The following CADM1 variants were observed in gnomAD, a reference collection of about 807,000 sequenced individuals.
CADM1 encodes the protein TSLC-1.
A neutral mutation model predicts 53.1 loss-of-function variants in CADM1; 15 were observed. That is an observed-to-expected ratio of 0.28 (90% CI 0.19 to 0.44). CADM1 has a LOEUF of 0.44. CADM1 is among the 20% of genes least tolerant of loss of function. CADM1 has a pLI of 1.00. For synonymous variants in CADM1, 281 were observed against 243.0 expected, an observed-to-expected ratio of 1.16 and a Z score of -1.45; for missense variants, 434 against 611.3, an observed-to-expected ratio of 0.71 and a Z score of 3.06.
intron 1 of CADM1, among the ~76,000 whole-genome samples, chr11:115,351,014 T>G (rs937789379): frequency 1.3e-5 from 2 of 152,096 alleles, no homozygotes; most frequent in Non-Finnish European, 2.9e-5. Flanking sequence ...AACATTCCTT[T>G]TGTTTAGAAA....
At chr11:115,334,808 G>T (rs1407610819) in intron 1 of CADM1, among the ~76,000 whole-genome samples, 1 of 152,108 alleles carries the variant, frequency 6.6e-6, no homozygotes, top group Non-Finnish European at 1.5e-5. Flanking sequence ...GGGGCTCAGT[G>T]TAATAGGAAA....
chr11:115,350,112 G>C (rs990049842), intron 1 of CADM1, among the ~76,000 whole-genome samples: 2 of 152,018 alleles, frequency 1.3e-5, no homozygotes, highest in Non-Finnish European at 2.9e-5. Flanking sequence ...GCTGGGATTA[G>C]AGGCATGTGC....
At chr11:115,397,652 G>A (rs965858358) in intron 1 of CADM1, 7 of 152,064 alleles carry the variant, frequency 4.6e-5, no homozygotes, top group African/African-American at 1.2e-4. Context: ...AGTCAAACTT[G>A]AACCAACACA....
At chr11:115,313,826 C>A (rs1659368718) in intron 1 of CADM1, among the ~76,000 whole-genome samples, 1 of 152,042 alleles carries the variant, frequency 6.6e-6, no homozygotes, top group South Asian at 2.1e-4. Flanking sequence ...AGAGTGCCTC[C>A]AGAGTGACAT....
At chr11:115,437,063 G>T (rs1331562541) in intron 1 of CADM1, among the ~76,000 whole-genome samples, 1 of 152,124 alleles carries the variant, frequency 6.6e-6, no homozygotes, top group Non-Finnish European at 1.5e-5. Context: ...AATCTGAGCA[G>T]CATCAAGAAT....
Position 115,469,146 on chromosome 11 carries a change from A to G in CADM1, c.124+35125T>C, listed in dbSNP as rs1409251915. 2.0e-5 allele frequency among the ~76,000 whole-genome samples: 3 copies of G among 152,200 alleles called. No individual in the cohort carries two copies. The East Asian group carries it at 5.8e-4, about 29-fold the overall frequency. On this transcript the variant is annotated intron_variant, in intron 1 of 11. Transcript: ENST00000331581. ...CTAAGATGCAAAATATACATTCTGC[A>G]CTATTGAACTCTTATAGAAGCTCTG... is the stretch of plus-strand genomic sequence containing the variant.
At chr11:115,276,345 A>G (rs1943443240) in intron 1 of CADM1, among the ~76,000 whole-genome samples, 2 of 152,166 alleles carry the variant, frequency 1.3e-5, no homozygotes, top group Non-Finnish European at 2.9e-5. Flanking sequence ...CAGGATTAGG[A>G]GGGGGAAAGT....
At chr11:115,221,618 G>C (rs1941408890) in intron 5 of CADM1, among the ~76,000 whole-genome samples, 1 of 152,142 alleles carries the variant, frequency 6.6e-6, no homozygotes, top group African/African-American at 2.4e-5. Flanking sequence ...CACATTCTGT[G>C]ATCTTTTCAG....
At chr11:115,190,685 A>T (rs1939804570) in intron 10 of CADM1, 2 of 562,360 alleles carry the variant, frequency 3.6e-6, no homozygotes, top group Non-Finnish European at 6.3e-6. Flanking sequence ...AATTGTCCCC[A>T]TTCCGAAATA....
chr11:115,407,630 A>G (rs1370894252), intron 1 of CADM1, among the ~76,000 whole-genome samples: 3 of 152,090 alleles, frequency 2.0e-5, no homozygotes, highest in Admixed American at 1.3e-4. Context: ...ACGGTGGCTC[A>G]TGCCTGTAAT....
chr11:115,249,503 T>C (rs1231699430), intron 1 of CADM1, among the ~76,000 whole-genome samples: 3 of 152,236 alleles, frequency 2.0e-5, no homozygotes, highest in Non-Finnish European at 4.4e-5. Flanking sequence ...TTTAATTCAA[T>C]ATAGAACTAT....
At chr11:115,188,374 C>G (rs1418035052) in intron 10 of CADM1, among the ~76,000 whole-genome samples, 1 of 152,160 alleles carries the variant, frequency 6.6e-6, no homozygotes, top group East Asian at 1.9e-4. Flanking sequence ...AATTAAATCA[C>G]TGAACTACAT....
intron 1 of CADM1, among the ~76,000 whole-genome samples, chr11:115,364,191 T>C (rs1190287463): frequency 6.6e-6 from 1 of 152,208 alleles, no homozygotes; most frequent in African/African-American, 2.4e-5. Context: ...TCATTCTTAT[T>C]CTGTCTGGCA....
intron 1 of CADM1, among the ~76,000 whole-genome samples, chr11:115,367,574 CCAGT>C (rs1591752407): frequency 6.6e-6 from 1 of 151,978 alleles, no homozygotes; most frequent in African/African-American, 2.4e-5. Flanking sequence ...ATCCCACTGC[CCAGT>C]CAACCACTGT....
intron 1 of CADM1, among the ~76,000 whole-genome samples, chr11:115,300,079 CT>C (rs559726662): frequency 1.3e-5 from 2 of 152,160 alleles, no homozygotes; most frequent in African/African-American, 4.8e-5. Flanking sequence ...ATGCAACAGA[CT>C]TTTTTTGGTT....
At chr11:115,243,457 G>A (rs1228641253) in intron 1 of CADM1, among the ~76,000 whole-genome samples, 2 of 152,102 alleles carry the variant, frequency 1.3e-5, no homozygotes, top group East Asian at 3.9e-4. Flanking sequence ...AAATTATATG[G>A]GTCAGCTGGA....
intron 5 of CADM1, among the ~76,000 whole-genome samples, chr11:115,227,519 A>G (rs1435387435): frequency 2.6e-5 from 4 of 152,202 alleles, no homozygotes; most frequent in Non-Finnish European, 5.9e-5. Flanking sequence ...GGGCCCCTAC[A>G]AGGAAAGTTA....
intron 3 of CADM1, among the ~76,000 whole-genome samples, chr11:115,232,304 T>C (rs1339493363): frequency 2.6e-5 from 4 of 152,164 alleles, no homozygotes; most frequent in South Asian, 2.1e-4. Flanking sequence ...CACAGAAAAA[T>C]TGTCTCAAAC....
chr11:115,309,907 A>C (rs1171507515), intron 1 of CADM1, among the ~76,000 whole-genome samples: 1 of 152,196 alleles, frequency 6.6e-6, no homozygotes. Flanking sequence ...TCATGCTTAG[A>C]AATCCAGTCA....
Sources: allele counts gnomAD v4.1 joint callset (sites outside exome capture counted in the v4.1 genomes callset), GRCh38; gene constraint gnomAD v4.1.1; transcripts MANE v1.5; gene names NCBI Gene and HGNC (gene_info 2026-07-23, HGNC 2026-07-21).